The following MAFG variants were observed in gnomAD, a reference collection of about 807,000 sequenced individuals.
MAFG encodes the protein transcription factor MafG.
MAFG carries 3 observed loss-of-function variants against 12.2 expected under a neutral mutation model. The ratio of observed to expected loss-of-function variants is 0.25; its 90% CI spans 0.11 to 0.64. MAFG has a LOEUF of 0.64. MAFG is among the 30% of genes least tolerant of loss of function. The probability of loss-of-function intolerance (pLI) is 0.85; values close to 1 mark genes in which losing one functional copy is unlikely to be tolerated. For synonymous variants in MAFG, 126 were observed against 109.1 expected, an observed-to-expected ratio of 1.15 and a Z score of -0.96; for missense variants, 153 against 235.5, an observed-to-expected ratio of 0.65 and a Z score of 2.29.
Position 81,921,770 on chromosome 17 carries a change from T to TAAA in MAFG, c.*834_*835insTTT, listed in dbSNP as rs1257069633. On this transcript the variant is annotated 3_prime_UTR_variant, in exon 3 of 3. Coordinates refer to ENST00000357736, the MANE Select transcript of MAFG (RefSeq NM_002359.4). ...CCATTCATATGGTCAAATGGTCTTC[T>TAAA]TGCTTGTTTTTTTTCTAAAAGACAG... is the stretch of plus-strand genomic sequence containing the variant. The TAAA allele has an allele frequency of 6.6e-6, 1 of 152,102 alleles. No individual in the cohort carries two copies. The highest frequency in any genetic ancestry group is 2.4e-5 in the African/African-American group (1 of 41,418). The allele number at this position is 152,102 out of a possible 1,614,324, so 9.4% of individuals were successfully genotyped here. A position where few individuals can be genotyped will look rare whatever the true frequency, so the allele number is the denominator to read the frequency against.
intron 1 of MAFG, among the ~76,000 whole-genome samples, chr17:81,925,018 C>T (rs541522780): frequency 3.3e-5 from 5 of 152,316 alleles, no homozygotes; most frequent in Admixed American, 6.5e-5. Context: ...ATCAAAGGTG[C>T]GCCGGGGGGT....
rs1270818237 is a variant in MAFG, at chr17:81,919,922, C to T, written c.*2683G>A. 1.3e-5 allele frequency: 2 copies of T among 152,104 alleles called. No homozygotes were observed. Among genetic ancestry groups the T allele is most frequent in the Non-Finnish European group, 2.9e-5 (2 of 68,042 alleles). 9.4% of individuals were successfully genotyped at this position (152,104 alleles called of 1,614,324 possible). Reference sequence around the variant, plus strand: ...TCCAGAAGCCTCTTCTGCCAACGCACCGAGGACCTGCACCTCCCATTCAGC... The same window carrying T: ...TCCAGAAGCCTCTTCTGCCAACGCATCGAGGACCTGCACCTCCCATTCAGC... On this transcript the variant is annotated 3_prime_UTR_variant, in exon 3 of 3. Transcript: ENST00000357736.
In MAFG at chr17:81,922,467, G is replaced by A. The variant is rs1219207874; in HGVS notation, c.*138C>T. On this transcript the variant is annotated 3_prime_UTR_variant, in exon 3 of 3. Coordinates refer to ENST00000357736, the MANE Select transcript of MAFG (RefSeq NM_002359.4). The stretch of plus-strand genomic sequence containing the variant: ...CTCAGCCCGGCGCCCCTGGGGTACA[G>A]GTTGTGCTTTGCAGGGAAGAGAGAA... 4.5e-6 allele frequency: 3 copies of A among 668,446 alleles called. No homozygotes were observed. The highest frequency in any genetic ancestry group is 7.0e-6 in the Non-Finnish European group (3 of 430,082). 41.4% of individuals were successfully genotyped at this position (668,446 alleles called of 1,614,324 possible). A position where few individuals can be genotyped will look rare whatever the true frequency, so the allele number is the denominator to read the frequency against.
chr17:81,923,923 T>G (rs1020337662), intron 1 of MAFG, among the ~76,000 whole-genome samples: 3 of 152,174 alleles, frequency 2.0e-5, no homozygotes, highest in East Asian at 1.9e-4. Flanking sequence ...GGGCCGTCCA[T>G]CTAGCTCTGG....
chr17:81,930,971 A>T (rs2040981251), upstream of MAFG, among the ~76,000 whole-genome samples: 1 of 152,126 alleles, frequency 6.6e-6, no homozygotes, highest in African/African-American at 2.4e-5. The surrounding 1 kb of genome is among the most constrained non-coding windows in gnomAD (Gnocchi z 4.1). Flanking sequence ...GCCCACATAA[A>T]ACATGTTGCT....
chr17:81,929,202 C>G (rs896610039), upstream of MAFG, among the ~76,000 whole-genome samples: 1 of 152,236 alleles, frequency 6.6e-6, no homozygotes, highest in Non-Finnish European at 1.5e-5. The surrounding 1 kb of genome is among the most constrained non-coding windows in gnomAD (Gnocchi z 5.7). Flanking sequence ...GAATCGTCCT[C>G]ACTGCGGTGC....
In MAFG at chr17:81,922,376, C is replaced by T. The variant is rs1407533923; in HGVS notation, c.*229G>A. ...TACAAAAGGGGTTGGGGCGACCCCA[C>T]GTCACCGCCGAACTGACCAATCCCA... On this transcript the variant is annotated 3_prime_UTR_variant, in exon 3 of 3. Coordinates refer to ENST00000357736, the MANE Select transcript of MAFG (RefSeq NM_002359.4). The T allele has an allele frequency of 2.7e-6, 1 of 376,056 alleles. No homozygotes were observed. The highest frequency in any genetic ancestry group is 4.2e-5 in the East Asian group (1 of 23,848). 23.3% of individuals were successfully genotyped at this position (376,056 alleles called of 1,614,324 possible).
At chr17:81,923,323 CCTG>C in intron 1 of MAFG, 109 bp from the exon 2 acceptor site, 1 of 719,906 alleles carries the variant, frequency 1.4e-6, no homozygotes. Flanking sequence ...CCCGCCCCAG[CCTG>C]CTGTCCAGGT....
rs777197764 is a variant in MAFG, at chr17:81,922,755, C to T, written c.339G>A (p.Ala113=). The T allele has an allele frequency of 1.3e-5, 21 of 1,589,908 alleles. No homozygotes were observed. The highest frequency in any genetic ancestry group is 6.7e-5 in the African/African-American group (5 of 74,614). Residue 113 remains alanine (A), a synonymous_variant, in exon 3 of 3, where the codon GCG becomes GCA. Transcript: ENST00000357736. ...CCACCGTCCGGGCGAAGGTCTGCAG[C>T]GCCTCGTACTTGGAGCGCAGCGCGT... ...ELDALRSKYE[A]LQTFARTVAR...
chr17:81,925,672 G>C (rs1322492860), intron 1 of MAFG, among the ~76,000 whole-genome samples: 1 of 151,880 alleles, frequency 6.6e-6, no homozygotes, highest in Non-Finnish European at 1.5e-5. Flanking sequence ...GCCGGGCGTC[G>C]TGGTGGGCGC....
At position 81,922,279 on chromosome 17, in the gene MAFG, T is replaced by C. The variant is rs1018196031; in HGVS notation, c.*326A>G. 3.0e-5 allele frequency: 6 copies of C among 197,628 alleles called. No individual in the cohort carries two copies. Among genetic ancestry groups the C allele is most frequent in the Admixed American group, 3.0e-4 (5 of 16,526 alleles). 12.2% of individuals were successfully genotyped at this position (197,628 alleles called of 1,614,324 possible). On this transcript the variant is annotated 3_prime_UTR_variant, in exon 3 of 3. Coordinates refer to ENST00000357736, the MANE Select transcript of MAFG (RefSeq NM_002359.4). ...CGCGAGGCCCAGCGTGCCTGCTCCT[T>C]CTCTCTCCCGCAACTCTCTCTAGTC...
At chr17:81,929,899 C>G (rs758072638), upstream of MAFG, 6 of 146,622 alleles carry the variant, frequency 4.1e-5, 1 homozygote, top group African/African-American at 8.5e-5. This position sits in a 1 kb window ranked among gnomAD's most constrained non-coding sequence, Gnocchi z 5.7. Context: ...AGGCACCTCC[C>G]GGGCACCCTC....
At position 81,923,039 on chromosome 17, in the gene MAFG, C is replaced by A; in HGVS notation, c.55G>T (p.Glu19Ter). ...KALKVKREPG[E>*]NGTSLTDEEL... is the part of the protein sequence containing the mutation. Reference sequence around the variant, plus strand: ...TCATCCGTCAGGCTGGTGCCATTCTCACCCGGCTCCCGCTTCACCTGGGGC... The same window carrying A: ...TCATCCGTCAGGCTGGTGCCATTCTAACCCGGCTCCCGCTTCACCTGGGGC... Residue 19 changes from glutamate (E) to a stop codon, truncating the protein, a stop_gained, in exon 3 of 3, where the codon GAG (glutamate) becomes TAG (stop). Coordinates refer to ENST00000357736, the MANE Select transcript of MAFG (RefSeq NM_002359.4). LOFTEE classifies it high-confidence loss of function. The A allele has an allele frequency of 6.3e-7, 1 of 1,598,778 alleles. No individual in the cohort carries two copies. Among genetic ancestry groups the A allele is most frequent in the East Asian group, 2.3e-5 (1 of 44,226 alleles).
rs1029471935 is a variant in MAFG, at chr17:81,922,260, G to A, written c.*345C>T. ...CCCTCACTGCTCGGGGACACGCGAG[G>A]CCCAGCGTGCCTGCTCCTTCTCTCT... On this transcript the variant is annotated 3_prime_UTR_variant, in exon 3 of 3. Transcript: ENST00000357736. 1.2e-4 allele frequency: 21 copies of A among 178,156 alleles called. No homozygotes were observed. Among genetic ancestry groups the A allele is most frequent in the African/African-American group, 4.5e-4 (19 of 42,556 alleles). 11.0% of individuals were successfully genotyped at this position (178,156 alleles called of 1,614,324 possible). A position where few individuals can be genotyped will look rare whatever the true frequency, so the allele number is the denominator to read the frequency against.
In MAFG at chr17:81,922,538, A is replaced by C; in HGVS notation, c.*67T>G. The C allele has an allele frequency of 8.2e-7, 1 of 1,215,698 alleles. No homozygotes were observed. Among genetic ancestry groups the C allele is most frequent in the African/African-American group, 1.6e-5 (1 of 62,660 alleles). 75.3% of individuals were successfully genotyped at this position (1,215,698 alleles called of 1,614,324 possible). ...AAAGAGAAGAGAAGGAAACAGAGGG[A>C]CAGGGCAGCCAAATTCGCCATGTGC... On this transcript the variant is annotated 3_prime_UTR_variant, in exon 3 of 3. Transcript: ENST00000357736.
Position 81,918,449 on chromosome 17 carries a change from AAG to A in MAFG, c.*4154_*4155del, listed in dbSNP as rs1331044578. 1 of 188,848 alleles carries A rather than the reference AAG, an allele frequency of 5.3e-6. No homozygotes were observed. The highest frequency in any genetic ancestry group is 1.1e-5 in the Non-Finnish European group (1 of 91,166). The allele number at this position is 188,848 out of a possible 1,614,324, so 11.7% of individuals were successfully genotyped here. On this transcript the variant is annotated 3_prime_UTR_variant, in exon 3 of 3. Transcript: ENST00000357736. ...TAGGGCACCAAGGCCACTGCCCTGC[AAG>A]AGGTCAGGCCCCTGCCCGCCCTACA...
Position 81,926,187 on chromosome 17 carries a change from G to C in MAFG, c.-30+1341C>G, listed in dbSNP as rs1279334840. Reference sequence around the variant, plus strand: ...ACTCCCAAGCTGCCACTTTCTAAGCGTCCTGGGCTGCCAGGCCAGACACCC... The same window carrying C: ...ACTCCCAAGCTGCCACTTTCTAAGCCTCCTGGGCTGCCAGGCCAGACACCC... On this transcript the variant is annotated intron_variant, in intron 1 of 2. Transcript: ENST00000357736. The surrounding 1 kb of genome is among the most constrained non-coding windows in gnomAD (Gnocchi z 4.6). Among the ~76,000 whole-genome samples the C allele has an allele frequency of 7.2e-5, 11 of 152,136 alleles. No homozygotes were observed. The highest frequency in any genetic ancestry group is 7.4e-5 in the Non-Finnish European group (5 of 68,026).
In MAFG at chr17:81,921,658, C is replaced by T. The variant is rs1471535608; in HGVS notation, c.*947G>A. Reference sequence around the variant, plus strand: ...AACTCCAACAGCCACAAAGAGGTGTCCGTAAGTTTACAAGAAAGGGATTTT... The same window carrying T: ...AACTCCAACAGCCACAAAGAGGTGTTCGTAAGTTTACAAGAAAGGGATTTT... On this transcript the variant is annotated 3_prime_UTR_variant, in exon 3 of 3. Transcript: ENST00000357736. The T allele has an allele frequency of 6.6e-6, 1 of 151,358 alleles. No individual in the cohort carries two copies. The highest frequency in any genetic ancestry group is 1.9e-4 in the East Asian group (1 of 5,180). 9.4% of individuals were successfully genotyped at this position (151,358 alleles called of 1,614,324 possible).
At chr17:81,923,102 CTG>C in intron 2 of MAFG, 45 bp from the exon 3 acceptor site, 1 of 1,610,726 alleles carries the variant, frequency 6.2e-7, no homozygotes, top group Non-Finnish European at 8.5e-7. Context: ...GGCACGCCCA[CTG>C]TGCCCCCCGA....
Sources: allele counts gnomAD v4.1 joint callset (sites outside exome capture counted in the v4.1 genomes callset), GRCh38; gene constraint gnomAD v4.1.1; non-coding constraint Gnocchi (gnomAD v3.1); transcripts MANE v1.5; gene names NCBI Gene and HGNC (gene_info 2026-07-23, HGNC 2026-07-21).